Variants in AIG1 observed in about 807,000 individuals in gnomAD.
AIG1 encodes the protein androgen-induced gene 1 protein.
In AIG1, 23 loss-of-function variants were observed where a neutral mutation model predicts 31.4. The ratio of observed to expected loss-of-function variants is 0.73; its 90% confidence interval spans 0.53 to 1.04. The LOEUF is 1.04. AIG1 is among the 50% of genes least tolerant of loss of function. The pLI is 0.00. For synonymous variants in AIG1, 100 were observed against 110.5 expected (o/e 0.90, Z 0.60); for missense variants, 274 against 295.0 (o/e 0.93, Z 0.52).
intron 1 of AIG1, among the ~76,000 whole-genome samples, chr6:143,106,309 C>G (rs1343515460): frequency 8.5e-5 from 13 of 152,166 alleles, no homozygotes; most frequent in Non-Finnish European, 2.9e-5. Flanking sequence ...CAGGTTCTCC[C>G]TCACAGCCCA....
chr6:143,204,357 T>C (rs1030353028), intron 3 of AIG1, among the ~76,000 whole-genome samples: 2 of 152,128 alleles, frequency 1.3e-5, no homozygotes, highest in African/African-American at 4.8e-5. Context: ...CCAGAGTGCC[T>C]ACATGTGGCC....
At chr6:143,266,147 A>G (rs1459155250) in intron 3 of AIG1, among the ~76,000 whole-genome samples, 6 of 152,194 alleles carry the variant, frequency 3.9e-5, no homozygotes, top group Non-Finnish European at 8.8e-5. Context: ...CAGGAGTTCA[A>G]GACCAGCCTG....
chr6:143,219,922 C>T (rs1207867576), intron 3 of AIG1, among the ~76,000 whole-genome samples: 1 of 152,166 alleles, frequency 6.6e-6, no homozygotes, highest in East Asian at 1.9e-4. Context: ...ATTGCTATGT[C>T]ATGGCGTTTT....
chr6:143,342,353 G>A (rs376795605), downstream of AIG1: 4 of 671,186 alleles, frequency 6.0e-6, no homozygotes, highest in East Asian at 5.4e-5. Flanking sequence ...TAGCCCCGCC[G>A]CAGCTGCTTA....
rs907787450 is a variant in AIG1, at chr6:143,082,841, G to A, written c.141+21775G>A. ...GACATATAAAGAAAAGTCTTGCCTC[G>A]TTGGTAAGCTTAACACTGGGGCTTG... On this transcript the variant is annotated intron_variant, in intron 1 of 5. Transcript: ENST00000357847. 3.2e-4 allele frequency among the ~76,000 whole-genome samples: 49 copies of A among 152,294 alleles called. 1 individual carries two copies. Among genetic ancestry groups the A allele is most frequent in the Admixed American group, 5.2e-4 (8 of 15,304 alleles).
chr6:143,132,071 T>C (rs1783291830), intron 1 of AIG1, among the ~76,000 whole-genome samples: 1 of 152,266 alleles, frequency 6.6e-6, no homozygotes, highest in Non-Finnish European at 1.5e-5. Flanking sequence ...TCCTTGGTGC[T>C]GTTGTTATTA....
At chr6:143,123,222 C>T (rs1486375671) in intron 1 of AIG1, among the ~76,000 whole-genome samples, 1 of 152,176 alleles carries the variant, frequency 6.6e-6, no homozygotes, top group African/African-American at 2.4e-5. Flanking sequence ...TGCATTAATA[C>T]TACATCCCAG....
chr6:143,181,306 A>T (rs1788696400), intron 3 of AIG1, among the ~76,000 whole-genome samples: 1 of 152,144 alleles, frequency 6.6e-6, no homozygotes, highest in Non-Finnish European at 1.5e-5. Context: ...TCTCAAATGG[A>T]CCTCCCAAAG....
At chr6:143,214,102 T>G (rs1212378195) in intron 3 of AIG1, among the ~76,000 whole-genome samples, 1 of 152,234 alleles carries the variant, frequency 6.6e-6, no homozygotes, top group Non-Finnish European at 1.5e-5. Flanking sequence ...AGTAAAATAC[T>G]CTTGATAACT....
Position 143,260,318 on chromosome 6 carries a change from C to T in AIG1, c.400-23792C>T, listed in dbSNP as rs114165915. The stretch of plus-strand genomic sequence containing the variant: ...TACAGGCATGAGCCACCGCATCTGG[C>T]GGGTCTTCTGCTTCTTAAAGACACC... On this transcript the variant is annotated intron_variant, in intron 3 of 5. Transcript: ENST00000357847. Among the ~76,000 whole-genome samples, 365 of 152,330 alleles carry T rather than the reference C, an allele frequency of 2.4e-3. 1 individual carries two copies. Among genetic ancestry groups the T allele is most frequent in the African/African-American group, 8.2e-3 (340 of 41,580 alleles).
In AIG1 at chr6:143,336,023, C is replaced by T. The variant is rs117814973; in HGVS notation, c.679+2578C>T. 3.3e-3 allele frequency among the ~76,000 whole-genome samples: 499 copies of T among 151,942 alleles called. 2 individuals carry two copies. Among genetic ancestry groups the T allele is most frequent in the African/African-American group, 0.011 (464 of 41,436 alleles). On this transcript the variant is annotated intron_variant, in intron 5 of 5. Coordinates refer to ENST00000357847, the MANE Select transcript of AIG1 (RefSeq NM_016108.4). ...CCACTTTAGATGACTAACTTTCCCT[C>T]GTTCTCACCTGGCCACTTTACTCAG... is the stretch of plus-strand genomic sequence containing the variant.
chr6:143,143,528 AATAT>A (rs1245695724), intron 2 of AIG1, among the ~76,000 whole-genome samples: 34 of 27,792 alleles, frequency 1.2e-3, no homozygotes, highest in African/African-American at 2.0e-3. Context: ...AAAAAAAAAA[AATAT>A]ATATATATAT....
chr6:143,087,456 T>G (rs1368534759), intron 1 of AIG1, among the ~76,000 whole-genome samples: 3 of 152,206 alleles, frequency 2.0e-5, no homozygotes, highest in Non-Finnish European at 4.4e-5. Context: ...GCCCGAACAT[T>G]GGTGAGACTT....
At chr6:143,209,922 C>T (rs1791453257) in intron 3 of AIG1, among the ~76,000 whole-genome samples, 2 of 152,200 alleles carry the variant, frequency 1.3e-5, no homozygotes, top group Non-Finnish European at 2.9e-5. Context: ...CTGTCGTGTT[C>T]ACTGCTGTAT....
At position 143,288,996 on chromosome 6, in the gene AIG1, G is replaced by T. The variant is rs1486478363; in HGVS notation, c.515+4771G>T. Among the ~76,000 whole-genome samples the T allele has an allele frequency of 1.3e-5, 2 of 152,190 alleles. No individual in the cohort carries two copies. The highest frequency in any genetic ancestry group is 4.8e-5 in the African/African-American group (2 of 41,446). On this transcript the variant is annotated intron_variant, in intron 4 of 5. Transcript: ENST00000357847. This position sits in a 1 kb window ranked among gnomAD's most constrained non-coding sequence, Gnocchi z 4.4. ...CAGTAGAAAGAAATGCTTGAGTTAA[G>T]ATAAGGGAGGTTGTGGAGACCAAGG...
intron 1 of AIG1, among the ~76,000 whole-genome samples, chr6:143,081,961 T>G (rs758118733): frequency 5.3e-5 from 8 of 152,132 alleles, no homozygotes; most frequent in Non-Finnish European, 1.0e-4. Flanking sequence ...TTCCCTTTCC[T>G]TTCCTTTCCT....
intron 3 of AIG1, chr6:143,187,713 C>T: frequency 2.0e-6 from 3 of 1,536,028 alleles, no homozygotes; most frequent in Non-Finnish European, 2.6e-6. Context: ...AGAAAGCTTG[C>T]TCCAGCAATG....
intron 3 of AIG1, among the ~76,000 whole-genome samples, chr6:143,209,382 T>C (rs1053572190): frequency 6.6e-6 from 1 of 152,202 alleles, no homozygotes; most frequent in Non-Finnish European, 1.5e-5. Context: ...GTAGATGAGA[T>C]GCAAATTGCT....
chr6:143,201,144 T>C (rs1251877268), intron 3 of AIG1, among the ~76,000 whole-genome samples: 1 of 152,082 alleles, frequency 6.6e-6, no homozygotes, highest in Non-Finnish European at 1.5e-5. Context: ...TATTATGAAA[T>C]ATTCTTTGAA....
Sources: gnomAD v4.1 joint callset for allele counts (sites outside exome capture counted in the v4.1 genomes callset) on GRCh38, gnomAD v4.1.1 for gene constraint, Gnocchi (gnomAD v3.1) non-coding constraint, MANE v1.5 for transcripts, NCBI Gene and HGNC (gene_info 2026-07-23, HGNC 2026-07-21) for gene names.